SCAP: variants seen among roughly 807,000 people sequenced by gnomAD.
SCAP encodes sterol regulatory element-binding protein cleavage-activating protein.
Under a neutral mutation model 123.6 loss-of-function variants are expected in SCAP, and 65 were observed. The ratio of observed to expected loss-of-function variants is 0.53; its 90% CI spans 0.43 to 0.65. SCAP has a LOEUF of 0.65. Among genes scored for constraint, SCAP ranks in the 30% least tolerant of loss-of-function variants. The pLI, the probability that SCAP is intolerant of heterozygous loss-of-function variation, is 0.00. For synonymous variants in SCAP, 740 were observed against 726.3 expected, an observed-to-expected ratio of 1.02 and a Z score of -0.30; for missense variants, 1,398 against 1,712.5, an observed-to-expected ratio of 0.82 and a Z score of 3.24.
chr3:47,425,892 TTCTA>T (rs941233260), intron 7 of SCAP, 101 bp downstream of exon 7: 19 of 1,303,590 alleles, frequency 1.5e-5, no homozygotes, highest in African/African-American at 1.3e-4. Context: ...ACCAGGTGTG[TTCTA>T]TCTCTCTACC....
At chr3:47,423,524 G>T (rs897311116) in intron 9 of SCAP, among the ~76,000 whole-genome samples, 6 of 152,224 alleles carry the variant, frequency 3.9e-5, no homozygotes, top group African/African-American at 1.4e-4. Flanking sequence ...CTCTTGAGTA[G>T]GTGGGACCAC....
chr3:47,460,479 C>T (rs1030823699), intron 1 of SCAP, among the ~76,000 whole-genome samples: 5 of 152,178 alleles, frequency 3.3e-5, no homozygotes, highest in African/African-American at 7.2e-5. Context: ...GTTCCTCTGC[C>T]GCGGCTCCAG....
At chr3:47,442,466 G>A (rs749924550) in intron 2 of SCAP, among the ~76,000 whole-genome samples, 5 of 152,176 alleles carry the variant, frequency 3.3e-5, no homozygotes, top group Non-Finnish European at 5.9e-5. Flanking sequence ...GCCTGCCACA[G>A]GTTGTCCAAG....
rs941991217 is a variant in SCAP, at chr3:47,419,564, C to T, written c.1704G>A (p.Leu568=). The T allele has an allele frequency of 6.2e-7, 1 of 1,612,514 alleles. No homozygotes were observed. The highest frequency in any genetic ancestry group is 8.5e-7 in the Non-Finnish European group (1 of 1,179,090). ...AGGCAGGGTCCGGGTGGCTGGGGGG[C>T]AGCATGCCACTAGGCACGGGCATGG... is the stretch of plus-strand genomic sequence containing the variant. ...LAPMPVPSGM[L]PPSHPDPAFS... is the part of the protein sequence containing the mutation. Residue 568 remains leucine, a synonymous_variant, in exon 13 of 23, where the codon CTG becomes CTA. Coordinates refer to ENST00000265565, the MANE Select transcript of SCAP (RefSeq NM_012235.4). The surrounding 1 kb of genome is among the most constrained non-coding windows in gnomAD (Gnocchi z 5.0).
Position 47,418,200 on chromosome 3 carries a change from A to G in SCAP, c.2381T>C (p.Leu794Pro). The G allele has an allele frequency of 1.3e-6, 2 of 1,575,404 alleles. No individual in the cohort carries two copies. Among genetic ancestry groups the G allele is most frequent in the Non-Finnish European group, 1.7e-6 (2 of 1,161,190 alleles). ...SDGMLLVSCC[L>P]AGHVCVWDAQ... Reference sequence around the variant, plus strand: ...GTCCCACACGCAGACGTGGCCTGCCAGGCAGCAGCTCACCAGCAGCATGCC... The same window carrying G: ...GTCCCACACGCAGACGTGGCCTGCCGGGCAGCAGCTCACCAGCAGCATGCC... The change falls in exon 16 of 23, where the codon CTG (leucine) becomes CCG (proline). Residue 794 changes from leucine to proline, a missense_variant. Transcript: ENST00000265565.
chr3:47,418,626 T>TAACCCCCC, intron 14 of SCAP, 29 bp downstream of exon 14: 2 of 1,459,578 alleles, frequency 1.4e-6, no homozygotes, highest in Non-Finnish European at 1.9e-6. Context: ...CCGCACTCTT[T>TAACCCCCC]CCCACCCCAC....
At chr3:47,442,076 C>G (rs181299723) in intron 2 of SCAP, among the ~76,000 whole-genome samples, 1 of 152,028 alleles carries the variant, frequency 6.6e-6, no homozygotes, top group East Asian at 1.9e-4. Flanking sequence ...ACAGGGAGTT[C>G]CCTCCTGACT....
intron 1 of SCAP, among the ~76,000 whole-genome samples, chr3:47,461,458 T>A (rs1384450309): frequency 6.6e-6 from 1 of 152,172 alleles, no homozygotes; most frequent in Non-Finnish European, 1.5e-5. Context: ...ATGTTCACAG[T>A]CACTTCTCAG....
chr3:47,425,189 C>T, intron 8 of SCAP: 1 of 330,086 alleles, frequency 3.0e-6, no homozygotes, highest in East Asian at 5.9e-5. Flanking sequence ...ACATGCAATA[C>T]ATACTCATGT....
At chr3:47,443,206 C>A in intron 1 of SCAP, 115 bp from the exon 2 acceptor site, 4 of 596,664 alleles carry the variant, frequency 6.7e-6, no homozygotes, top group South Asian at 1.9e-5. Context: ...TGCCTATATG[C>A]AAGGTCTAGT....
Position 47,441,874 on chromosome 3 carries a change from CTTTTTTT to C in SCAP, c.122+991_122+997del, listed in dbSNP as rs1160447716. On this transcript the variant is annotated intron_variant, in intron 2 of 22. Transcript: ENST00000265565. ...GAAACTCTCAGTGATGTTCATCTTTCTTTTTTTTTTTTTTTTTTTTTTTTGGTCTTGC... is the reference window on the plus strand; with the variant it reads ...GAAACTCTCAGTGATGTTCATCTTTCTTTTTTTTTTTTTTTTTGGTCTTGC... 7.5e-3 allele frequency among the ~76,000 whole-genome samples: 571 copies of C among 76,446 alleles called. 5 individuals are homozygous for C. The highest frequency in any genetic ancestry group is 0.023 in the African/African-American group (429 of 18,668). The allele number at this position is 76,446 out of a possible 152,430, so 50.2% of individuals were successfully genotyped here.
chr3:47,455,864 A>G (rs1439891581), intron 1 of SCAP, among the ~76,000 whole-genome samples: 1 of 152,230 alleles, frequency 6.6e-6, no homozygotes. Context: ...ATGAAAGGGA[A>G]CTAACTTCAC....
intron 1 of SCAP, among the ~76,000 whole-genome samples, chr3:47,443,594 G>A (rs1442606050): frequency 1.3e-5 from 2 of 152,088 alleles, no homozygotes; most frequent in African/African-American, 4.8e-5. Flanking sequence ...AAGGTCTAGC[G>A]AGGTCAGCCC....
At chr3:47,467,561 C>T (rs766085910) in intron 1 of SCAP, among the ~76,000 whole-genome samples, 6 of 151,388 alleles carry the variant, frequency 4.0e-5, no homozygotes, top group Admixed American at 1.3e-4. Flanking sequence ...ACTGTGATTG[C>T]GCCACTGCAG....
Position 47,443,868 on chromosome 3 carries a change from C to A in SCAP, c.-98-777G>T, listed in dbSNP as rs77843826. Among the ~76,000 whole-genome samples, 27 of 152,322 alleles carry A rather than the reference C, an allele frequency of 1.8e-4. No homozygotes were observed. In the East Asian group the frequency reaches 5.2e-3, roughly 29 times the overall value. On this transcript the variant is annotated intron_variant, in intron 1 of 22. Coordinates refer to ENST00000265565, the MANE Select transcript of SCAP (RefSeq NM_012235.4). ...AGGTGCCCCGTGCCGACCCAAGCTACACAAATTGGGCCTCTCTCCCTGGAC... is the reference window on the plus strand; with the variant it reads ...AGGTGCCCCGTGCCGACCCAAGCTAAACAAATTGGGCCTCTCTCCCTGGAC...
At chr3:47,437,636 G>C (rs371236737) in intron 2 of SCAP, among the ~76,000 whole-genome samples, 31 of 151,884 alleles carry the variant, frequency 2.0e-4, no homozygotes, top group African/African-American at 7.5e-4. Flanking sequence ...GTCCCAGCTC[G>C]GGAGGCTTAA....
rs368653657 is a variant in SCAP, at chr3:47,420,699, C to T, written c.1418G>A (p.Arg473His). The change falls in exon 12 of 23, where the codon CGC (arginine) becomes CAC (histidine). Residue 473 changes from arginine to histidine, a missense_variant. Transcript: ENST00000265565. The surrounding 1 kb of genome is among the most constrained non-coding windows in gnomAD (Gnocchi z 5.0). The part of the protein sequence containing the change: ...PSAKPVGQPT[R>H]YERQLAVRPS... Reference sequence around the variant, plus strand: ...CCTCACAGCCAGCTGCCGCTCGTAGCGCGTTGGCTGTCCCACTGGCTTGGC... The same window carrying T: ...CCTCACAGCCAGCTGCCGCTCGTAGTGCGTTGGCTGTCCCACTGGCTTGGC... 31 of 1,611,556 alleles carry T rather than the reference C, an allele frequency of 1.9e-5. No individual in the cohort carries two copies. Among genetic ancestry groups the T allele is most frequent in the Non-Finnish European group, 2.4e-5 (28 of 1,179,946 alleles).
At chr3:47,429,563 G>C (rs1402673123) in intron 3 of SCAP, among the ~76,000 whole-genome samples, 1 of 152,166 alleles carries the variant, frequency 6.6e-6, no homozygotes, top group Non-Finnish European at 1.5e-5. Context: ...TTGCCAGGCT[G>C]GTCTCGAACT....
intron 18 of SCAP, 76 bp downstream of exon 18, chr3:47,417,046 G>A: frequency 7.6e-7 from 1 of 1,322,346 alleles, no homozygotes; most frequent in Middle Eastern, 1.8e-4. Context: ...AAGAGAACCA[G>A]AACTCAAGAC....
Sources: gnomAD v4.1 joint callset for allele counts (sites outside exome capture counted in the v4.1 genomes callset) on GRCh38, gnomAD v4.1.1 for gene constraint, Gnocchi (gnomAD v3.1) non-coding constraint, MANE v1.5 for transcripts, NCBI Gene and HGNC (gene_info 2026-07-23, HGNC 2026-07-21) for gene names.